MDGA2: variants seen among roughly 807,000 people sequenced by gnomAD.
The protein encoded by MDGA2 is MAM domain containing glycosylphosphatidylinositol anchor 2.
MDGA2 carries 40 observed loss-of-function variants against 117.8 expected under a neutral mutation model. The observed-to-expected ratio is 0.34, with a 90% CI of 0.26 to 0.44. MDGA2 has a LOEUF of 0.44. Ranked by LOEUF, MDGA2 falls within the 20% of genes least tolerant of loss-of-function variation. The probability of loss-of-function intolerance (pLI) is 1.00; values close to 1 mark genes in which losing one functional copy is unlikely to be tolerated. For missense variants in MDGA2, 1,123 were observed against 1,250.6 expected (o/e 0.90, Z 1.54); for synonymous variants, 452 against 439.0 (o/e 1.03, Z -0.37).
chr14:47,666,987 G>A (rs1897985854), intron 1 of MDGA2, among the ~76,000 whole-genome samples: 2 of 152,010 alleles, frequency 1.3e-5, no homozygotes, highest in Non-Finnish European at 2.9e-5. Context: ...AAAAAACTCC[G>A]AACACATCCA....
intron 1 of MDGA2, among the ~76,000 whole-genome samples, chr14:47,312,356 T>C (rs1889662221): frequency 6.6e-6 from 1 of 152,094 alleles, no homozygotes; most frequent in Admixed American, 6.6e-5. Context: ...CACTCTGGCC[T>C]CTCCACAAGC....
chr14:47,504,393 T>A (rs1375036538), intron 1 of MDGA2, among the ~76,000 whole-genome samples: 1 of 152,010 alleles, frequency 6.6e-6, no homozygotes, highest in African/African-American at 2.4e-5. Flanking sequence ...TAATTTTACA[T>A]ATACATATAT....
intron 1 of MDGA2, among the ~76,000 whole-genome samples, chr14:47,609,465 A>ACATATATATATATATATATATATACAT (rs1555336021): frequency 2.8e-5 from 3 of 107,376 alleles, no homozygotes; most frequent in Admixed American, 9.4e-5. Context: ...ATATATATAT[A>ACATATATATATATATATATATATACAT]AGTTTCTTTA....
At chr14:47,627,310 G>T (rs956606053) in intron 1 of MDGA2, among the ~76,000 whole-genome samples, 1 of 151,936 alleles carries the variant, frequency 6.6e-6, no homozygotes, top group African/African-American at 2.4e-5. Flanking sequence ...GCACCAATCG[G>T]CACTCTGCAT....
At chr14:47,293,308 A>G (rs1278825287) in intron 2 of MDGA2, among the ~76,000 whole-genome samples, 1 of 152,236 alleles carries the variant, frequency 6.6e-6, no homozygotes. Context: ...TCAAAGAACT[A>G]TCATAACGGC....
At chr14:47,113,285 C>T (rs1038753690) in intron 5 of MDGA2, among the ~76,000 whole-genome samples, 5 of 151,980 alleles carry the variant, frequency 3.3e-5, no homozygotes, top group African/African-American at 1.2e-4. Flanking sequence ...ATAACAAGGC[C>T]TGAAATTGAG....
intron 1 of MDGA2, among the ~76,000 whole-genome samples, chr14:47,433,574 G>A (rs76452407): frequency 6.6e-6 from 1 of 152,030 alleles, no homozygotes; most frequent in Non-Finnish European, 1.5e-5. Flanking sequence ...TCTAATTCAG[G>A]ACTAAGGAGA....
intron 1 of MDGA2, among the ~76,000 whole-genome samples, chr14:47,503,860 T>C (rs1301601098): frequency 2.0e-5 from 3 of 152,216 alleles, no homozygotes; most frequent in Non-Finnish European, 4.4e-5. Context: ...CCTTTTTCAC[T>C]ATGTATCTGT....
chr14:47,591,187 C>A (rs577631335), intron 1 of MDGA2, among the ~76,000 whole-genome samples: 4 of 152,160 alleles, frequency 2.6e-5, no homozygotes, highest in South Asian at 2.1e-4. Flanking sequence ...AAGAAAACCG[C>A]TAATGTCTGA....
chr14:46,889,287 T>A (rs1305315006), intron 10 of MDGA2, among the ~76,000 whole-genome samples: 1 of 152,094 alleles, frequency 6.6e-6, no homozygotes, highest in Non-Finnish European at 1.5e-5. Context: ...GAGTAGGCAC[T>A]TTTCACATCA....
chr14:47,450,298 G>T (rs1308941531), intron 1 of MDGA2, among the ~76,000 whole-genome samples: 1 of 151,716 alleles, frequency 6.6e-6, no homozygotes, highest in African/African-American at 2.4e-5. Flanking sequence ...TTTTCTCTCA[G>T]CAAAATCCTT....
At chr14:47,063,484 A>G (rs1183240048) in intron 6 of MDGA2, among the ~76,000 whole-genome samples, 3 of 152,114 alleles carry the variant, frequency 2.0e-5, no homozygotes, top group Middle Eastern at 3.4e-3. Context: ...TGAAATGTCC[A>G]TATCTGGCTG....
intron 11 of MDGA2, among the ~76,000 whole-genome samples, chr14:46,878,173 A>G (rs1882306435): frequency 6.6e-6 from 1 of 151,970 alleles, no homozygotes; most frequent in Non-Finnish European, 1.5e-5. Context: ...AACTAATTAT[A>G]TTTGCAATAC....
rs1191727722 is a variant in MDGA2 at position 47,017,410 on chromosome 14, C to T, written c.1819+17601G>A. Among the ~76,000 whole-genome samples the T allele has an allele frequency of 2.0e-5, 3 of 151,402 alleles. No individual in the cohort carries two copies. In the East Asian group the frequency reaches 5.8e-4, roughly 29 times the overall value. On this transcript the variant is annotated intron_variant, in intron 8 of 16. Transcript: ENST00000399232. ...TGATATTTAAACTGAGTAGGAAATA[C>T]ATACAATAAGAAATAAAATACATTC...
At chr14:46,963,026 T>C (rs919130939) in intron 8 of MDGA2, among the ~76,000 whole-genome samples, 1 of 152,090 alleles carries the variant, frequency 6.6e-6, no homozygotes, top group African/African-American at 2.4e-5. Flanking sequence ...ATATGTAAAA[T>C]ATATATTTTT....
intron 1 of MDGA2, among the ~76,000 whole-genome samples, chr14:47,603,458 T>C (rs1457719927): frequency 6.6e-6 from 1 of 152,198 alleles, no homozygotes; most frequent in Admixed American, 6.5e-5. Context: ...TCATATTTGA[T>C]ATCACACTGC....
intron 2 of MDGA2, among the ~76,000 whole-genome samples, chr14:47,273,775 A>T (rs909201629): frequency 2.0e-5 from 3 of 152,190 alleles, no homozygotes; most frequent in African/African-American, 7.2e-5. Context: ...AGGATAATAT[A>T]GTGAAGTTCA....
Position 47,437,367 on chromosome 14 carries a change from G to C in MDGA2, c.281-135817C>G, listed in dbSNP as rs533996145. ...ATGCACCTAACCATGGCCTAGTCAA[G>C]GGCATATGGTAAATCTCAGTAAATA... On this transcript the variant is annotated intron_variant, in intron 1 of 16. Transcript: ENST00000399232. Among the ~76,000 whole-genome samples the C allele has an allele frequency of 7.2e-5, 11 of 152,200 alleles. No individual in the cohort carries two copies. The South Asian group carries it at 1.5e-3, about 20-fold the overall frequency.
At chr14:47,343,219 G>T (rs901611661) in intron 1 of MDGA2, 177 of 1,133,954 alleles carry the variant, frequency 1.6e-4, no homozygotes, top group East Asian at 9.1e-4. Context: ...GATTTTTTTT[G>T]TTTGTTTGTT....
Sources: allele counts gnomAD v4.1 joint callset (sites outside exome capture counted in the v4.1 genomes callset), GRCh38; gene constraint gnomAD v4.1.1; transcripts MANE v1.5; gene names NCBI Gene and HGNC (gene_info 2026-07-23, HGNC 2026-07-21).